The following EVA1A variants were observed in gnomAD, a reference collection of about 807,000 sequenced individuals.
EVA1A encodes eva-1 homolog A, regulator of programmed cell death.
A neutral mutation model predicts 9.8 loss-of-function variants in EVA1A; 7 were observed. That is an observed-to-expected ratio of 0.71 (90% CI 0.41 to 1.34). EVA1A has a LOEUF of 1.34. Among genes scored for constraint, EVA1A ranks in the 40% most tolerant of loss-of-function variants. EVA1A has a pLI of 0.01. For missense variants in EVA1A, 206 were observed against 205.9 expected (o/e 1.00, Z 0.00); for synonymous variants, 90 against 85.6 (o/e 1.05, Z -0.28).
At chr2:75,519,624 G>A (rs79193850) in intron 2 of EVA1A, among the ~76,000 whole-genome samples, 2,691 of 152,204 alleles carry the variant, frequency 0.018, 39 homozygotes, top group Middle Eastern at 0.027. Context: ...CCAGAACACA[G>A]CGCCTCTTTC....
chr2:75,529,214 A>G (rs1411094876), intron 1 of EVA1A, among the ~76,000 whole-genome samples: 2 of 152,116 alleles, frequency 1.3e-5, no homozygotes, highest in Non-Finnish European at 2.9e-5. Context: ...TTAAATATAT[A>G]TGTACCCAAC....
intron 1 of EVA1A, among the ~76,000 whole-genome samples, chr2:75,552,527 C>G (rs906095556): frequency 2.0e-5 from 3 of 152,276 alleles, no homozygotes; most frequent in African/African-American, 7.2e-5. Context: ...GCCCAATTCT[C>G]CACCCTAATT....
intron 1 of EVA1A, among the ~76,000 whole-genome samples, chr2:75,546,379 A>T (rs1203571805): frequency 6.6e-6 from 1 of 152,220 alleles, no homozygotes; most frequent in Non-Finnish European, 1.5e-5. Context: ...ATGAATGAGC[A>T]AAGTGCCAAG....
chr2:75,529,916 T>C (rs773012461), intron 1 of EVA1A, among the ~76,000 whole-genome samples: 8 of 151,722 alleles, frequency 5.3e-5, no homozygotes, highest in Non-Finnish European at 8.8e-5. Flanking sequence ...CTAAATGAAA[T>C]TGAAATAAAC....
intron 1 of EVA1A, among the ~76,000 whole-genome samples, chr2:75,566,531 T>A (rs981717359): frequency 6.6e-6 from 1 of 152,214 alleles, no homozygotes; most frequent in African/African-American, 2.4e-5. Flanking sequence ...CCTTTTTAAA[T>A]GTAATGTGCC....
At chr2:75,556,113 A>G (rs188106015) in intron 1 of EVA1A, among the ~76,000 whole-genome samples, 36 of 152,358 alleles carry the variant, frequency 2.4e-4, no homozygotes, top group African/African-American at 8.4e-4. Flanking sequence ...TGGCACCTGC[A>G]CAGAGCTACG....
Position 75,493,419 on chromosome 2 carries a change from C to A in EVA1A, c.276G>T (p.Val92=). The A allele has an allele frequency of 6.2e-7, 1 of 1,614,162 alleles. No individual in the cohort carries two copies. The highest frequency in any genetic ancestry group is 8.5e-7 in the Non-Finnish European group (1 of 1,180,036). The part of the protein sequence containing the change: ...SDSEDGSEDT[V]SDLSVRRHRR... ...GGTGTCTCCGCACGGAGAGATCGGA[C>A]ACGGTGTCCTCACTGCCATCCTCGC... The change falls in exon 4 of 4, where the codon GTG becomes GTT. Residue 92 remains valine (V), a synonymous_variant. Transcript: ENST00000393913.
chr2:75,538,071 C>T (rs995820979), intron 1 of EVA1A, among the ~76,000 whole-genome samples: 3 of 152,174 alleles, frequency 2.0e-5, no homozygotes, highest in African/African-American at 4.8e-5. Context: ...AGGTGGATCA[C>T]CTAAGGTCAG....
At chr2:75,538,827 A>G (rs1676010216) in intron 1 of EVA1A, among the ~76,000 whole-genome samples, 1 of 152,264 alleles carries the variant, frequency 6.6e-6, no homozygotes, top group South Asian at 2.1e-4. Context: ...AGTAGTTTTC[A>G]GAGGTTAAGG....
At chr2:75,493,645 G>A (rs375990286) in intron 3 of EVA1A, 36 bp from the exon 4 acceptor site, 1 of 1,534,934 alleles carries the variant, frequency 6.5e-7, no homozygotes, top group African/African-American at 1.4e-5. Context: ...GCATTTGAGA[G>A]ATGACAACTC....
chr2:75,515,675 C>A (rs922002272), intron 3 of EVA1A, among the ~76,000 whole-genome samples: 2 of 152,162 alleles, frequency 1.3e-5, no homozygotes, highest in Non-Finnish European at 2.9e-5. Flanking sequence ...AACCATTGAG[C>A]ATTTTCATGT....
At chr2:75,503,831 T>C (rs1558671943) in intron 3 of EVA1A, among the ~76,000 whole-genome samples, 1 of 152,020 alleles carries the variant, frequency 6.6e-6, no homozygotes, top group African/African-American at 2.4e-5. Flanking sequence ...TACAGTTAGA[T>C]AGAAGAAATA....
At chr2:75,563,998 G>C (rs1676974157), upstream of EVA1A, among the ~76,000 whole-genome samples, 1 of 152,178 alleles carries the variant, frequency 6.6e-6, no homozygotes, top group African/African-American at 2.4e-5. Flanking sequence ...TTATAAAAGA[G>C]GGAAATAGCT....
In EVA1A at chr2:75,492,999, G is replaced by A. The variant is rs537209930; in HGVS notation, c.*237C>T. Reference sequence around the variant, plus strand: ...CGATCTCCATCCACAGTGTTGGAGAGGATTTTTCAGCACCATTCCGAGACC... The same window carrying A: ...CGATCTCCATCCACAGTGTTGGAGAAGATTTTTCAGCACCATTCCGAGACC... On this transcript the variant is annotated 3_prime_UTR_variant, in exon 4 of 4. Coordinates refer to ENST00000393913, the MANE Select transcript of EVA1A (RefSeq NM_001135032.2). 7.1e-6 allele frequency: 4 copies of A among 560,690 alleles called. No homozygotes were observed. In the South Asian group the frequency reaches 1.0e-4, roughly 15 times the overall value. 34.7% of individuals were successfully genotyped at this position (560,690 alleles called of 1,614,324 possible).
chr2:75,546,121 T>C (rs1170725873), intron 1 of EVA1A, among the ~76,000 whole-genome samples: 2 of 152,092 alleles, frequency 1.3e-5, no homozygotes, highest in African/African-American at 4.8e-5. Context: ...GGAGGCCTGG[T>C]GTGTTCTGCA....
chr2:75,495,667 T>G (rs901919262), intron 3 of EVA1A, among the ~76,000 whole-genome samples: 1 of 152,166 alleles, frequency 6.6e-6, no homozygotes, highest in African/African-American at 2.4e-5. Context: ...TTGGGTAGAG[T>G]GTACACTGCT....
intron 1 of EVA1A, among the ~76,000 whole-genome samples, chr2:75,532,806 GA>G (rs1318606913): frequency 1.3e-5 from 2 of 152,212 alleles, no homozygotes; most frequent in Non-Finnish European, 2.9e-5. Flanking sequence ...TAAAGCCAAA[GA>G]AATCCATGTG....
intron 3 of EVA1A, among the ~76,000 whole-genome samples, chr2:75,511,788 A>C (rs913518009): frequency 6.6e-6 from 1 of 152,156 alleles, no homozygotes; most frequent in African/African-American, 2.4e-5. Context: ...ACTATTCTAC[A>C]TGCGCAGGAT....
chr2:75,545,276 C>A (rs1676289246), intron 1 of EVA1A, among the ~76,000 whole-genome samples: 1 of 152,116 alleles, frequency 6.6e-6, no homozygotes, highest in East Asian at 1.9e-4. Context: ...AACCACAACT[C>A]CAGATACAAG....
Sources: allele counts gnomAD v4.1 joint callset (sites outside exome capture counted in the v4.1 genomes callset), GRCh38; gene constraint gnomAD v4.1.1; transcripts MANE v1.5; gene names NCBI Gene and HGNC (gene_info 2026-07-23, HGNC 2026-07-21).